Variants in ARL15 observed in about 807,000 individuals in gnomAD.
ARL15 encodes ARF like GTPase 15.
ARL15 carries 19 observed loss-of-function variants against 25.2 expected under a neutral mutation model. The observed-to-expected ratio is 0.75, with a 90% confidence interval of 0.53 to 1.10. The LOEUF (loss-of-function observed/expected upper bound fraction) is 1.10. Ranked by LOEUF, ARL15 falls within the 50% of genes least tolerant of loss-of-function variation. The pLI is 0.00. For missense variants in ARL15, 220 were observed against 246.0 expected (o/e 0.89, Z 0.71); for synonymous variants, 94 against 86.8 (o/e 1.08, Z -0.46).
chr5:54,267,292 A>G (rs754718118), intron 1 of ARL15, among the ~76,000 whole-genome samples: 14 of 152,122 alleles, frequency 9.2e-5, no homozygotes, highest in Non-Finnish European at 1.8e-4. Context: ...GGGGTTTCAC[A>G]TTGTTAGCCA....
chr5:54,074,810 A>C (rs1751542221), intron 4 of ARL15, among the ~76,000 whole-genome samples: 1 of 152,080 alleles, frequency 6.6e-6, no homozygotes, highest in African/African-American at 2.4e-5. Context: ...AAAAATGCTC[A>C]AATAAAAGAC....
At chr5:54,276,371 T>C (rs1757930193) in intron 1 of ARL15, among the ~76,000 whole-genome samples, 1 of 152,208 alleles carries the variant, frequency 6.6e-6, no homozygotes, top group Non-Finnish European at 1.5e-5. Context: ...GCTCTTTAAT[T>C]TGTTGCTAGA....
chr5:54,089,690 G>A (rs1304336143), intron 4 of ARL15, among the ~76,000 whole-genome samples: 1 of 152,088 alleles, frequency 6.6e-6, no homozygotes, highest in African/African-American at 2.4e-5. Context: ...AAATTGTCCA[G>A]GAGATACCAG....
intron 4 of ARL15, among the ~76,000 whole-genome samples, chr5:53,918,357 T>A (rs1331727122): frequency 3.9e-5 from 6 of 152,006 alleles, no homozygotes; most frequent in Non-Finnish European, 8.8e-5. Context: ...GGCTAATTTT[T>A]TTTTATTTTT....
rs139811829 is a variant in ARL15, at chr5:54,131,277, T to G, written c.254-17867A>C. Among the ~76,000 whole-genome samples, 5 of 152,350 alleles carry G rather than the reference T, an allele frequency of 3.3e-5. No homozygotes were observed. In the East Asian group the frequency reaches 9.6e-4, roughly 29 times the overall value. On this transcript the variant is annotated intron_variant, in intron 3 of 4. Transcript: ENST00000504924. ...TTGACCCAAATGACCTTTCTAACCT[T>G]GAATCTTTTCACACCATTTATGAAA... is the stretch of plus-strand genomic sequence containing the variant.
intron 3 of ARL15, among the ~76,000 whole-genome samples, chr5:54,123,611 T>C (rs1416466194): frequency 2.0e-5 from 3 of 152,200 alleles, no homozygotes; most frequent in Non-Finnish European, 4.4e-5. Flanking sequence ...GGTGGATGAA[T>C]GAACCATTAA....
At chr5:53,891,416 G>A (rs7707442) in intron 4 of ARL15, among the ~76,000 whole-genome samples, 1,852 of 152,174 alleles carry the variant, frequency 0.012, 32 homozygotes, top group African/African-American at 0.043. Context: ...CATAGAATAC[G>A]CCACCCCTAG....
intron 4 of ARL15, among the ~76,000 whole-genome samples, chr5:53,994,130 A>G (rs1748593647): frequency 6.6e-6 from 1 of 152,180 alleles, no homozygotes; most frequent in Non-Finnish European, 1.5e-5. Flanking sequence ...TCTTTTCTTT[A>G]ACAGATTGGT....
chr5:54,214,688 TC>T (rs572971742), intron 1 of ARL15, among the ~76,000 whole-genome samples: 73 of 152,154 alleles, frequency 4.8e-4, no homozygotes, highest in Non-Finnish European at 8.8e-4. Context: ...CCTGAACACT[TC>T]CTGTGGCCAT....
At chr5:54,273,405 T>A (rs1757841720) in intron 1 of ARL15, among the ~76,000 whole-genome samples, 1 of 152,148 alleles carries the variant, frequency 6.6e-6, no homozygotes, top group Non-Finnish European at 1.5e-5. Context: ...CTTAACCTAA[T>A]CACGAAGAAA....
chr5:54,071,979 G>GAAAAAAAAAAAAAGAAAAAAA (rs1751438208), intron 4 of ARL15, among the ~76,000 whole-genome samples: 4 of 126,170 alleles, frequency 3.2e-5, no homozygotes, highest in Non-Finnish European at 4.9e-5. Flanking sequence ...CTCAAAAAAA[G>GAAAAAAAAAAAAAGAAAAAAA]AAAAAAAAAA....
intron 4 of ARL15, among the ~76,000 whole-genome samples, chr5:54,071,120 T>A (rs970613564): frequency 4.0e-5 from 6 of 151,654 alleles, no homozygotes; most frequent in Middle Eastern, 3.4e-3. Context: ...CAGTGAGCCA[T>A]GTTCGTGCCG....
chr5:54,140,453 TAGATAGATAGATAG>T (rs1234140358), intron 3 of ARL15, among the ~76,000 whole-genome samples: 4 of 138,220 alleles, frequency 2.9e-5, no homozygotes, highest in Admixed American at 8.0e-5. Flanking sequence ...GATAGATAGA[TAGATAGATAGATAG>T]AGATAGAGAT....
chr5:54,003,677 T>C (rs1458618315), intron 4 of ARL15, among the ~76,000 whole-genome samples: 2 of 141,906 alleles, frequency 1.4e-5, no homozygotes, highest in Non-Finnish European at 3.0e-5. Flanking sequence ...TCTATCTATC[T>C]ATCTATCTAT....
intron 4 of ARL15, among the ~76,000 whole-genome samples, chr5:53,930,968 A>G (rs748944976): frequency 3.3e-5 from 5 of 152,210 alleles, no homozygotes; most frequent in Non-Finnish European, 7.3e-5. Context: ...ATTCCTAAGA[A>G]TACATGATAA....
intron 1 of ARL15, among the ~76,000 whole-genome samples, chr5:54,178,880 C>T (rs566603909): frequency 3.3e-5 from 5 of 152,122 alleles, no homozygotes; most frequent in Admixed American, 2.0e-4. Context: ...AAATGTGTTA[C>T]GGGATTTGTC....
chr5:54,027,881 T>C (rs1258044838), intron 4 of ARL15, among the ~76,000 whole-genome samples: 1 of 152,136 alleles, frequency 6.6e-6, no homozygotes, highest in Non-Finnish European at 1.5e-5. Context: ...AGTGTACTTA[T>C]GCCAATATCA....
At chr5:53,888,459 T>C (rs910030428) in intron 4 of ARL15, among the ~76,000 whole-genome samples, 14 of 152,022 alleles carry the variant, frequency 9.2e-5, no homozygotes, top group African/African-American at 3.4e-4. Flanking sequence ...TTTTAAAAAA[T>C]CTTCTGTAGA....
intron 4 of ARL15, among the ~76,000 whole-genome samples, chr5:54,090,952 G>A (rs545998719): frequency 4.2e-5 from 3 of 70,634 alleles, no homozygotes; most frequent in Non-Finnish European, 4.3e-5. Flanking sequence ...TTTTATGGCT[G>A]AAAGGAATGA....
Sources: allele counts gnomAD v4.1 joint callset (sites outside exome capture counted in the v4.1 genomes callset), GRCh38; gene constraint gnomAD v4.1.1; transcripts MANE v1.5; gene names NCBI Gene and HGNC (gene_info 2026-07-23, HGNC 2026-07-21).